The following PRIM2 variants were observed in gnomAD, a reference collection of about 807,000 sequenced individuals.
The protein encoded by PRIM2 is DNA primase large subunit.
In PRIM2, 39 loss-of-function variants were observed where a neutral mutation model predicts 67.3. That is an observed-to-expected ratio of 0.58 (90% CI 0.45 to 0.76). The LOEUF (loss-of-function observed/expected upper bound fraction) is 0.76. Among genes scored for constraint, PRIM2 ranks in the 30% least tolerant of loss-of-function variants. PRIM2 has a pLI of 0.00. For missense variants in PRIM2, 398 were observed against 598.7 expected (o/e 0.66, Z 3.50); for synonymous variants, 143 against 198.7 (o/e 0.72, Z 2.36).
intron 9 of PRIM2, among the ~76,000 whole-genome samples, chr6:57,532,855 G>T (rs1774921340): frequency 6.6e-6 from 1 of 152,154 alleles, no homozygotes; most frequent in African/African-American, 2.4e-5. Flanking sequence ...TTTTCTCACA[G>T]TCTAGAGGCT....
intron 12 of PRIM2, among the ~76,000 whole-genome samples, chr6:57,621,103 T>G (rs1776845261): frequency 1.3e-5 from 2 of 152,248 alleles, no homozygotes; most frequent in African/African-American, 4.8e-5. Context: ...TAGTCTGTTT[T>G]GTGCTGCTAT....
chr6:57,637,442 G>C (rs1777141026), intron 13 of PRIM2, among the ~76,000 whole-genome samples: 1 of 152,098 alleles, frequency 6.6e-6, no homozygotes, highest in African/African-American at 2.4e-5. Flanking sequence ...TCAGAAGGTG[G>C]ATAATAACAA....
At chr6:57,379,294 A>G (rs1769875490) in intron 5 of PRIM2, among the ~76,000 whole-genome samples, 1 of 131,158 alleles carries the variant, frequency 7.6e-6, no homozygotes, top group Admixed American at 8.3e-5. Context: ...TGATGTAAAT[A>G]TTTCCCTCAG....
At chr6:57,356,931 CTTTTT>C (rs761605036) in intron 5 of PRIM2, among the ~76,000 whole-genome samples, 1 of 120,790 alleles carries the variant, frequency 8.3e-6, no homozygotes, top group Non-Finnish European at 1.7e-5. Flanking sequence ...CCAATCCATT[CTTTTT>C]TTTTTTTTTT....
chr6:57,443,604 T>A (rs1192416088), intron 7 of PRIM2, among the ~76,000 whole-genome samples: 13 of 152,176 alleles, frequency 8.5e-5, no homozygotes, highest in Non-Finnish European at 1.9e-4. Flanking sequence ...TAAACTGGAT[T>A]TTTTTTGGTT....
chr6:57,612,768 ATTTTTTTCT>A (rs1235432069), intron 12 of PRIM2, among the ~76,000 whole-genome samples: 3 of 148,592 alleles, frequency 2.0e-5, no homozygotes, highest in Non-Finnish European at 4.5e-5. Context: ...TTATACCTTA[ATTTTTTTCT>A]TTTTTTTCTT....
At chr6:57,461,811 A>G (rs1462143211) in intron 7 of PRIM2, among the ~76,000 whole-genome samples, 1 of 152,254 alleles carries the variant, frequency 6.6e-6, no homozygotes, top group Non-Finnish European at 1.5e-5. Flanking sequence ...TAGTAGCTAG[A>G]AAATAAGAAA....
intron 5 of PRIM2, among the ~76,000 whole-genome samples, chr6:57,374,078 A>G (rs1245993730): frequency 6.6e-6 from 1 of 151,946 alleles, no homozygotes; most frequent in African/African-American, 2.4e-5. Flanking sequence ...TCTATCCATG[A>G]GCATGGAATA....
chr6:57,328,436 A>G (rs528863181), intron 5 of PRIM2, among the ~76,000 whole-genome samples: 25 of 152,338 alleles, frequency 1.6e-4, no homozygotes, highest in African/African-American at 5.8e-4. Context: ...ATATAAATGG[A>G]GTCATACAAT....
the PRIM2 span, among the ~76,000 whole-genome samples, chr6:57,251,395 T>C: frequency 6.6e-6 from 1 of 152,250 alleles, no homozygotes; most frequent in Non-Finnish European, 1.5e-5. Flanking sequence ...TGTGTCCGTC[T>C]AATGCAGGTT....
chr6:57,521,367 G>GTTTTTTT lies in PRIM2; in HGVS notation c.762-11024_762-11018dup, dbSNP rs1163114437. 4.9e-3 allele frequency among the ~76,000 whole-genome samples: 476 copies of GTTTTTTT among 97,936 alleles called. 18 individuals carry two copies. The highest frequency in any genetic ancestry group is 0.017 in the African/African-American group (462 of 26,466). The allele number at this position is 97,936 out of a possible 152,430, so 64.2% of individuals were successfully genotyped here. A position where few individuals can be genotyped will look rare whatever the true frequency, so the allele number is the denominator to read the frequency against. The stretch of plus-strand genomic sequence containing the variant: ...GAGTGGCTTAGTTTATGTGGTTAGG[G>GTTTTTTT]TTTTTTTTTTTTTTTTTTTTTTTTT... On this transcript the variant is annotated intron_variant, in intron 8 of 13. Transcript: ENST00000615550.
chr6:57,575,712 CTTGA>C (rs1775952110), intron 10 of PRIM2, among the ~76,000 whole-genome samples: 1 of 150,116 alleles, frequency 6.7e-6, no homozygotes, highest in African/African-American at 2.5e-5. Flanking sequence ...CTTTTTTTTT[CTTGA>C]TTAAGGTACT....
chr6:57,415,563 G>A (rs570188689), intron 7 of PRIM2, among the ~76,000 whole-genome samples: 70 of 152,256 alleles, frequency 4.6e-4, no homozygotes, highest in African/African-American at 1.6e-3. Context: ...GTTGATGTCC[G>A]CTGACTAATC....
In PRIM2 at chr6:57,355,319, T is replaced by A. The variant is rs112554978; in HGVS notation, c.460-24582T>A. On this transcript the variant is annotated intron_variant, in intron 5 of 13. Coordinates refer to ENST00000615550, the MANE Select transcript of PRIM2 (RefSeq NM_000947.5). ...TCTGTCTCAAAAAAAAAAAAAAAAA[T>A]AAGTAAATAAAAAAGAGGAAAAAAA... 6.7e-3 allele frequency among the ~76,000 whole-genome samples: 690 copies of A among 102,278 alleles called. 7 individuals are homozygous for A. The highest frequency in any genetic ancestry group is 9.7e-3 in the African/African-American group (226 of 23,278). 67.1% of individuals were successfully genotyped at this position (102,278 alleles called of 152,430 possible). A position where few individuals can be genotyped will look rare whatever the true frequency, so the allele number is the denominator to read the frequency against.
chr6:57,605,942 TCA>T (rs1307105266), intron 11 of PRIM2, among the ~76,000 whole-genome samples: 1 of 152,224 alleles, frequency 6.6e-6, no homozygotes, highest in Non-Finnish European at 1.5e-5. Flanking sequence ...TTTTTCTTTC[TCA>T]GAGTTTGCAT....
At chr6:57,347,115 A>G (rs1336976663) in intron 5 of PRIM2, among the ~76,000 whole-genome samples, 1 of 152,188 alleles carries the variant, frequency 6.6e-6, no homozygotes, top group Non-Finnish European at 1.5e-5. Flanking sequence ...ATCTCTGGTC[A>G]AAGTGTGCTC....
intron 9 of PRIM2, among the ~76,000 whole-genome samples, chr6:57,536,021 C>CA (rs1774994422): frequency 6.6e-6 from 1 of 152,088 alleles, no homozygotes; most frequent in Non-Finnish European, 1.5e-5. Flanking sequence ...AAAATGGTCT[C>CA]ATGAAAAGGA....
chr6:57,457,911 A>C (rs1211417673), intron 7 of PRIM2, among the ~76,000 whole-genome samples: 1 of 152,150 alleles, frequency 6.6e-6, no homozygotes, highest in African/African-American at 2.4e-5. Flanking sequence ...AGCTGTTCCT[A>C]TTCGGCCATC....
Position 57,532,236 on chromosome 6 carries a change from G to A in PRIM2, c.762-175G>A, listed in dbSNP as rs1157863330. Among the ~76,000 whole-genome samples, 28 of 152,298 alleles carry A rather than the reference G, an allele frequency of 1.8e-4. 1 individual carries two copies. Among genetic ancestry groups the A allele is most frequent in the African/African-American group, 3.4e-4 (14 of 41,566 alleles). On this transcript the variant is annotated intron_variant, in intron 8 of 13. Coordinates refer to ENST00000615550, the MANE Select transcript of PRIM2 (RefSeq NM_000947.5). The stretch of plus-strand genomic sequence containing the variant: ...ATATTTTTCTATTATTTTGGGGTAA[G>A]TTACTTAAATTAATTTCATTAAATA...
Sources: allele counts gnomAD v4.1 joint callset (sites outside exome capture counted in the v4.1 genomes callset), GRCh38; gene constraint gnomAD v4.1.1; transcripts MANE v1.5; gene names NCBI Gene and HGNC (gene_info 2026-07-23, HGNC 2026-07-21).